Variants in KDM4C observed in about 807,000 individuals in gnomAD.
The protein encoded by KDM4C is lysine demethylase 4C.
KDM4C carries 81 observed loss-of-function variants against 129.3 expected under a neutral mutation model. The ratio of observed to expected loss-of-function variants is 0.63; its 90% confidence interval spans 0.52 to 0.75. The LOEUF is 0.75. Among genes scored for constraint, KDM4C ranks in the 30% least tolerant of loss-of-function variants. The probability of loss-of-function intolerance (pLI) is 0.00; values close to 1 mark genes in which losing one functional copy is unlikely to be tolerated. For missense variants in KDM4C, 1,457 were observed against 1,304.0 expected (o/e 1.12, Z -1.81); for synonymous variants, 573 against 456.1 (o/e 1.26, Z -3.26).
At chr9:6,964,578 A>C (rs1228307424) in intron 8 of KDM4C, among the ~76,000 whole-genome samples, 1 of 152,054 alleles carries the variant, frequency 6.6e-6, no homozygotes, top group Non-Finnish European at 1.5e-5. Context: ...TATAGAGTTC[A>C]AGACCAGCCT....
chr9:6,841,829 C>G (rs960138058), intron 4 of KDM4C, among the ~76,000 whole-genome samples: 11 of 152,328 alleles, frequency 7.2e-5, no homozygotes, highest in Admixed American at 3.3e-4. Flanking sequence ...TAAGTTCTAG[C>G]AGACCTTCCC....
chr9:6,752,496 C>T (rs967836348), intron 1 of KDM4C, among the ~76,000 whole-genome samples: 7 of 149,796 alleles, frequency 4.7e-5, no homozygotes, highest in African/African-American at 1.5e-4. Context: ...CTGCAATCTC[C>T]GCCTCCTGGG....
chr9:6,952,912 C>T lies in KDM4C; in HGVS notation c.922-28013C>T, dbSNP rs1454502638. Among the ~76,000 whole-genome samples, 4 of 152,154 alleles carry T rather than the reference C, an allele frequency of 2.6e-5. No individual in the cohort carries two copies. In the East Asian group the frequency reaches 5.8e-4, roughly 22 times the overall value. ...ACATTTGTACAGTGAGCACGGTTTG[C>T]AGTCGGGGGAGGGAGATCTAATATT... On this transcript the variant is annotated intron_variant, in intron 8 of 21. Coordinates refer to ENST00000381309, the MANE Select transcript of KDM4C (RefSeq NM_015061.6).
At chr9:6,932,725 G>A (rs1467686932) in intron 8 of KDM4C, among the ~76,000 whole-genome samples, 4 of 152,156 alleles carry the variant, frequency 2.6e-5, no homozygotes, top group Non-Finnish European at 2.9e-5. Context: ...GGATGATTTT[G>A]TCTCATAAAG....
intron 4 of KDM4C, among the ~76,000 whole-genome samples, chr9:6,820,710 C>CTG (rs1832870414): frequency 9.4e-6 from 1 of 106,822 alleles, no homozygotes; most frequent in African/African-American, 3.8e-5. Context: ...CTCTCTCTCT[C>CTG]TCTCTTTTTT....
At chr9:6,789,857 G>T (rs1826194144) in intron 1 of KDM4C, among the ~76,000 whole-genome samples, 1 of 152,058 alleles carries the variant, frequency 6.6e-6, no homozygotes, top group Non-Finnish European at 1.5e-5. Flanking sequence ...TTTCTACCAT[G>T]TGTTAATATA....
chr9:6,819,885 G>T (rs1350090477), intron 4 of KDM4C, among the ~76,000 whole-genome samples: 1 of 152,068 alleles, frequency 6.6e-6, no homozygotes, highest in Non-Finnish European at 1.5e-5. Flanking sequence ...ACCAAGAACT[G>T]GTTTCTCGTG....
chr9:6,967,093 TGAC>T (rs1831113211), intron 8 of KDM4C, among the ~76,000 whole-genome samples: 1 of 152,060 alleles, frequency 6.6e-6, no homozygotes, highest in Non-Finnish European at 1.5e-5. Flanking sequence ...AATCATGAAG[TGAC>T]TAAAGCATCT....
At chr9:6,865,266 C>T (rs759097868) in intron 5 of KDM4C, among the ~76,000 whole-genome samples, 1 of 152,078 alleles carries the variant, frequency 6.6e-6, no homozygotes, top group African/African-American at 2.4e-5. Context: ...CCTTGGCCTC[C>T]CAAAGTTTTG....
intron 1 of KDM4C, among the ~76,000 whole-genome samples, chr9:6,722,766 G>A (rs1037891375): frequency 3.3e-5 from 5 of 151,906 alleles, no homozygotes; most frequent in Admixed American, 1.3e-4. Context: ...GCCTGCCTCC[G>A]CCTCCCAAAA....
intron 18 of KDM4C, among the ~76,000 whole-genome samples, chr9:7,117,074 A>C (rs1838982217): frequency 6.6e-6 from 1 of 152,206 alleles, no homozygotes; most frequent in Admixed American, 6.5e-5. Context: ...ACAGGTTATG[A>C]AATTGAATTT....
intron 17 of KDM4C, among the ~76,000 whole-genome samples, chr9:7,082,786 G>C (rs753479673): frequency 1.3e-5 from 2 of 152,170 alleles, no homozygotes; most frequent in Non-Finnish European, 2.9e-5. Flanking sequence ...AGCATTTGCA[G>C]TAGCAAAACA....
intron 19 of KDM4C, among the ~76,000 whole-genome samples, chr9:7,131,834 A>G (rs1039257026): frequency 1.2e-4 from 18 of 152,212 alleles, no homozygotes; most frequent in African/African-American, 4.3e-4. Context: ...TGGTGAAAAC[A>G]CTAACTACAT....
intron 8 of KDM4C, among the ~76,000 whole-genome samples, chr9:6,972,728 G>GTTGGA (rs144244926): frequency 8.7e-4 from 132 of 152,316 alleles, no homozygotes; most frequent in Non-Finnish European, 1.5e-3. Flanking sequence ...AGTTCTGCGT[G>GTTGGA]TTGGATACCT....
At chr9:6,779,579 AGCAGTG>A (rs1304658625) in intron 1 of KDM4C, among the ~76,000 whole-genome samples, 2 of 152,184 alleles carry the variant, frequency 1.3e-5, no homozygotes, top group Non-Finnish European at 2.9e-5. Context: ...TGTTTGTAGT[AGCAGTG>A]GCAGTTCCCT....
At chr9:7,164,608 C>G (rs1027074972) in intron 19 of KDM4C, among the ~76,000 whole-genome samples, 1 of 152,142 alleles carries the variant, frequency 6.6e-6, no homozygotes, top group Non-Finnish European at 1.5e-5. Flanking sequence ...CTCCACCCGC[C>G]GTGCTGCAGG....
intron 4 of KDM4C, among the ~76,000 whole-genome samples, chr9:6,839,534 C>A (rs1395171210): frequency 6.6e-6 from 1 of 151,982 alleles, no homozygotes; most frequent in African/African-American, 2.4e-5. Flanking sequence ...GCCACCACGC[C>A]TGGCCAAATT....
Position 7,019,720 on chromosome 9 carries a change from TAA to T in KDM4C, c.2259+3792_2259+3793del, listed in dbSNP as rs1563992982. Among the ~76,000 whole-genome samples the T allele has an allele frequency of 2.8e-4, 30 of 105,352 alleles. 1 individual carries two copies. Among genetic ancestry groups the T allele is most frequent in the African/African-American group, 5.9e-4 (14 of 23,590 alleles). 69.1% of individuals were successfully genotyped at this position (105,352 alleles called of 152,430 possible). The stretch of plus-strand genomic sequence containing the variant: ...TATAATATTTTTATATATAAAAATA[TAA>T]TATTTTTATATATAAAAATATAATA... On this transcript the variant is annotated intron_variant, in intron 15 of 21. Transcript: ENST00000381309.
rs1051466990 is a variant in KDM4C, at chr9:6,835,240, C to G, written c.436-14267C>G. 6 of 910,714 alleles carry G rather than the reference C, an allele frequency of 6.6e-6. No homozygotes were observed. In the African/African-American group the frequency reaches 9.8e-5, roughly 15 times the overall value. 56.4% of individuals were successfully genotyped at this position (910,714 alleles called of 1,614,324 possible). A position where few individuals can be genotyped will look rare whatever the true frequency, so the allele number is the denominator to read the frequency against. On this transcript the variant is annotated intron_variant, in intron 4 of 21. Transcript: ENST00000381309. ...CTGCTGCCCTGAGGCACTCTTCCAG[C>G]TTTCCTTCCTGGGCATGGAATCCTG...
Sources: gnomAD v4.1 joint callset for allele counts (sites outside exome capture counted in the v4.1 genomes callset) on GRCh38, gnomAD v4.1.1 for gene constraint, MANE v1.5 for transcripts, NCBI Gene and HGNC (gene_info 2026-07-23, HGNC 2026-07-21) for gene names.